SEMA3A: variants seen among roughly 807,000 people sequenced by gnomAD.
SEMA3A encodes the protein semaphorin 3A.
In SEMA3A, 29 loss-of-function variants were observed where a neutral mutation model predicts 97.9. That is an observed-to-expected ratio of 0.30 (90% CI 0.22 to 0.40). SEMA3A has a LOEUF of 0.40. Ranked by LOEUF, SEMA3A falls within the 10% of genes least tolerant of loss-of-function variation. The probability of loss-of-function intolerance (pLI) is 1.00; values close to 1 mark genes in which losing one functional copy is unlikely to be tolerated. For synonymous variants in SEMA3A, 321 were observed against 323.7 expected (o/e 0.99, Z 0.09); for missense variants, 763 against 951.3 (o/e 0.80, Z 2.60).
intron 4 of SEMA3A, among the ~76,000 whole-genome samples, chr7:84,064,072 C>T (rs1196345605): frequency 6.6e-6 from 1 of 152,208 alleles, no homozygotes; most frequent in African/African-American, 2.4e-5. Context: ...GCTGATCGCT[C>T]AGCAGAAACC....
intron 15 of SEMA3A, among the ~76,000 whole-genome samples, chr7:83,970,219 C>A (rs1213026623): frequency 6.6e-6 from 1 of 152,078 alleles, no homozygotes; most frequent in East Asian, 1.9e-4. Context: ...AGGAAGCAAT[C>A]TTCAATTAAT....
intron 4 of SEMA3A, among the ~76,000 whole-genome samples, chr7:84,064,337 A>C (rs977939580): frequency 6.6e-6 from 1 of 152,198 alleles, no homozygotes; most frequent in East Asian, 1.9e-4. Context: ...AAACACCATC[A>C]AGACTAGGAA....
chr7:84,488,017 T>C (rs960472887), intron 1 of SEMA3A, among the ~76,000 whole-genome samples: 1 of 152,064 alleles, frequency 6.6e-6, no homozygotes, highest in African/African-American at 2.4e-5. Flanking sequence ...AACTATGTGT[T>C]GGTTTAATAA....
intron 6 of SEMA3A, among the ~76,000 whole-genome samples, chr7:84,036,033 T>A (rs1562987811): frequency 1.3e-5 from 2 of 152,072 alleles, no homozygotes; most frequent in African/African-American, 4.8e-5. Flanking sequence ...GAAGACTGGG[T>A]GTATTTAGAC....
chr7:84,178,572 C>G (rs1306176470), intron 1 of SEMA3A, among the ~76,000 whole-genome samples: 1 of 152,070 alleles, frequency 6.6e-6, no homozygotes, highest in African/African-American at 2.4e-5. Context: ...CTCTCTGATT[C>G]CTAAAACCAA....
intron 6 of SEMA3A, among the ~76,000 whole-genome samples, chr7:84,040,170 T>G (rs1792084220): frequency 1.3e-5 from 2 of 151,812 alleles, no homozygotes; most frequent in Non-Finnish European, 2.9e-5. Context: ...GAATATTTCA[T>G]AATATTGTAA....
intron 2 of SEMA3A, among the ~76,000 whole-genome samples, chr7:84,316,541 G>A (rs760190273): frequency 6.6e-5 from 10 of 152,004 alleles, no homozygotes; most frequent in Non-Finnish European, 1.5e-4. Context: ...CCATTAACAA[G>A]ATAAAAGAGG....
intron 6 of SEMA3A, among the ~76,000 whole-genome samples, chr7:84,044,558 C>G (rs1037330526): frequency 1.3e-5 from 2 of 151,846 alleles, no homozygotes; most frequent in Non-Finnish European, 2.9e-5. Flanking sequence ...AAAGAATGGG[C>G]TAGTTAATGA....
intron 3 of SEMA3A, among the ~76,000 whole-genome samples, chr7:84,127,668 TC>T (rs1352356614): frequency 6.6e-6 from 1 of 152,182 alleles, no homozygotes; most frequent in Admixed American, 6.6e-5. Context: ...TTATCTAACT[TC>T]CTTCACCTAT....
At chr7:84,224,504 T>A (rs890395996) in intron 3 of SEMA3A, among the ~76,000 whole-genome samples, 1 of 151,818 alleles carries the variant, frequency 6.6e-6, no homozygotes, top group African/African-American at 2.4e-5. Flanking sequence ...ATTTATGTTT[T>A]AAAAAAAACA....
chr7:84,094,106 A>T lies in SEMA3A; in HGVS notation c.453+16364T>A, dbSNP rs545312797. On this transcript the variant is annotated intron_variant, in intron 4 of 16. Transcript: ENST00000265362. ...TGTGGAAGTCTGACTGGATAGGGTAAGTCAGGCCAGAGAGGGGAGAGGTGG... is the reference window on the plus strand; with the variant it reads ...TGTGGAAGTCTGACTGGATAGGGTATGTCAGGCCAGAGAGGGGAGAGGTGG... 2.6e-5 allele frequency among the ~76,000 whole-genome samples: 4 copies of T among 152,138 alleles called. No homozygotes were observed. The South Asian group carries it at 8.3e-4, about 32-fold the overall frequency.
chr7:84,397,616 T>C (rs1026748945), intron 1 of SEMA3A, among the ~76,000 whole-genome samples: 1 of 151,834 alleles, frequency 6.6e-6, no homozygotes. Flanking sequence ...GGTAAACTTG[T>C]ATTGTGGGAG....
At chr7:84,406,391 A>G (rs1318137009) in intron 1 of SEMA3A, among the ~76,000 whole-genome samples, 2 of 152,170 alleles carry the variant, frequency 1.3e-5, no homozygotes, top group Admixed American at 6.5e-5. Context: ...AGGCTCTGAA[A>G]TTGAGGCAAT....
intron 1 of SEMA3A, among the ~76,000 whole-genome samples, chr7:84,146,319 A>G (rs929902186): frequency 6.6e-5 from 10 of 152,158 alleles, no homozygotes; most frequent in African/African-American, 2.4e-4. Flanking sequence ...AAGTCTGACT[A>G]CTTGCATTTA....
intron 6 of SEMA3A, among the ~76,000 whole-genome samples, chr7:84,025,698 A>C (rs1791519734): frequency 6.6e-6 from 1 of 152,196 alleles, no homozygotes. Flanking sequence ...ATTAGAATGA[A>C]AGATAAACAC....
chr7:84,240,508 T>G (rs965306621), intron 3 of SEMA3A, among the ~76,000 whole-genome samples: 1 of 152,094 alleles, frequency 6.6e-6, no homozygotes, highest in Non-Finnish European at 1.5e-5. Flanking sequence ...ATTGCTGACT[T>G]GAGGAAAGGG....
chr7:84,139,785 T>C (rs1304346102), intron 1 of SEMA3A, among the ~76,000 whole-genome samples: 1 of 152,070 alleles, frequency 6.6e-6, no homozygotes, highest in Non-Finnish European at 1.5e-5. Flanking sequence ...TAAAGTCCAT[T>C]TGATAGATTT....
At chr7:84,062,255 C>A (rs2189849) in intron 4 of SEMA3A, among the ~76,000 whole-genome samples, 61,098 of 152,050 alleles carry the variant, frequency 0.4, 14,017 homozygotes, top group African/African-American at 0.64. Flanking sequence ...TGTTTATATA[C>A]ATCACTAAAT....
chr7:84,465,540 T>C (rs1805968972), intron 1 of SEMA3A, among the ~76,000 whole-genome samples: 1 of 152,160 alleles, frequency 6.6e-6, no homozygotes, highest in African/African-American at 2.4e-5. Context: ...GTATTTCTAA[T>C]ATAGTCTTGC....
Sources: allele counts gnomAD v4.1 joint callset (sites outside exome capture counted in the v4.1 genomes callset), GRCh38; gene constraint gnomAD v4.1.1; transcripts MANE v1.5; gene names NCBI Gene and HGNC (gene_info 2026-07-23, HGNC 2026-07-21).